SCGB1D1: variants seen among roughly 807,000 people sequenced by gnomAD.
SCGB1D1 encodes secretoglobin family 1D member 1.
Under a neutral mutation model 8.3 loss-of-function variants are expected in SCGB1D1, and 10 were observed. The observed-to-expected ratio is 1.21, with a 90% CI of 0.74 to 2.05. The LOEUF is 2.05. SCGB1D1 is among the 30% of genes most tolerant of loss of function. The pLI is 0.00. For synonymous variants in SCGB1D1, 46 were observed against 41.7 expected (o/e 1.10, Z -0.39); for missense variants, 94 against 105.1 (o/e 0.89, Z 0.46).
chr11:62,193,423 C>T lies in SCGB1D1; in HGVS notation c.268C>T (p.Arg90Cys), dbSNP rs577027339. Reference sequence around the variant, plus strand: ...GGGAAAAATAGCAGAGAAATGTGATCGCTGAGATGTAAAAAGTTTTTAATG... The same window carrying T: ...GGGAAAAATAGCAGAGAAATGTGATTGCTGAGATGTAAAAAGTTTTTAATG... ...TLGKIAEKCD[R>C] The change falls in exon 3 of 3, where the codon CGC becomes TGC. Residue 90 changes from arginine to cysteine, a missense_variant. Coordinates refer to ENST00000306238, the MANE Select transcript of SCGB1D1 (RefSeq NM_006552.2). The T allele has an allele frequency of 1.7e-5, 27 of 1,612,232 alleles. No individual in the cohort carries two copies. The highest frequency in any genetic ancestry group is 3.3e-5 in the Admixed American group (2 of 59,748).
rs1455011398 is a variant in SCGB1D1 at position 62,190,291 on chromosome 11, C to T, written c.7C>T (p.Leu3=). 6 of 1,614,086 alleles carry T rather than the reference C, an allele frequency of 3.7e-6. No homozygotes were observed. Among genetic ancestry groups the T allele is most frequent in the Non-Finnish European group, 5.1e-6 (6 of 1,180,034 alleles). MR[L]SVCLLLLTLA... is the part of the protein sequence containing the mutation. ...CACAGCAGAATAAGCCACCATGAGG[C>T]TGTCGGTGTGTCTCCTGCTGCTCAC... Residue 3 remains leucine (L), a synonymous_variant, in exon 1 of 3, where the codon CTG becomes TTG. Coordinates refer to ENST00000306238, the MANE Select transcript of SCGB1D1 (RefSeq NM_006552.2).
At position 62,192,070 on chromosome 11, in the gene SCGB1D1, T is replaced by G. The variant is rs1944681924; in HGVS notation, c.70T>G (p.Cys24Gly). ...TTTTGCTCCAGCAAATGCAGTGGTCTGCCAAGCTCTTGGTTCTGAAATCAC... is the reference window on the plus strand; with the variant it reads ...TTTTGCTCCAGCAAATGCAGTGGTCGGCCAAGCTCTTGGTTCTGAAATCAC... Reference protein sequence around the residue: ...LCCYRANAVVCQALGSEITGF... With the variant: ...LCCYRANAVVGQALGSEITGF... The change falls in exon 2 of 3, where the codon TGC (cysteine) becomes GGC (glycine). Residue 24 changes from cysteine (C) to glycine (G), a missense_variant. Physicochemically the swap from Cys to Gly is radical, Grantham distance 159 (BLOSUM62 -3). Coordinates refer to ENST00000306238, the MANE Select transcript of SCGB1D1 (RefSeq NM_006552.2). The G allele has an allele frequency of 6.2e-7, 1 of 1,605,072 alleles. No individual in the cohort carries two copies.
In SCGB1D1 at chr11:62,190,491, C is replaced by T. The variant is rs191173901; in HGVS notation, c.55+152C>T. 1.1e-4 allele frequency: 96 copies of T among 913,262 alleles called. 1 individual carries two copies. The African/African-American group carries it at 1.3e-3, about 12-fold the overall frequency. The allele number at this position is 913,262 out of a possible 1,614,324, so 56.6% of individuals were successfully genotyped here. On this transcript the variant is annotated intron_variant, in intron 1 of 2. Coordinates refer to ENST00000306238, the MANE Select transcript of SCGB1D1 (RefSeq NM_006552.2). ...TGTTGAAGGAACTGCTCATAAAGCT[C>T]GGGCCTCATTTCATCAAATCCCCAG...
At chr11:62,191,003 C>G (rs1380279825) in intron 1 of SCGB1D1, among the ~76,000 whole-genome samples, 19 of 152,152 alleles carry the variant, frequency 1.2e-4, no homozygotes, top group Non-Finnish European at 1.2e-4. Flanking sequence ...TTCTAGGGGT[C>G]CTACCGTAAT....
At position 62,193,411 on chromosome 11, in the gene SCGB1D1, G is replaced by C; in HGVS notation, c.256G>C (p.Glu86Gln). 6.2e-7 allele frequency: 1 copy of C among 1,612,728 alleles called. No homozygotes were observed. The highest frequency in any genetic ancestry group is 8.5e-7 in the Non-Finnish European group (1 of 1,179,404). ...LITKTLGKIA[E>Q]KCDR ...TTTTCTATTTCAGGGAAAAATAGCA[G>C]AGAAATGTGATCGCTGAGATGTAAA... The change falls in exon 3 of 3, where the codon GAG becomes CAG. Residue 86 changes from glutamate (E) to glutamine (Q), a missense_variant. Glu to Gln is a conservative substitution (Grantham distance 29). Coordinates refer to ENST00000306238, the MANE Select transcript of SCGB1D1 (RefSeq NM_006552.2).
intron 2 of SCGB1D1, 59 bp downstream of exon 2, chr11:62,192,302 G>A: frequency 2.0e-6 from 3 of 1,465,036 alleles, no homozygotes; most frequent in South Asian, 1.3e-5. Context: ...TGTGAAGTGA[G>A]GTCAGCTTGC....
At chr11:62,192,023 T>C (rs771909745) in intron 1 of SCGB1D1, 33 bp from the exon 2 acceptor site, 100 of 1,566,042 alleles carry the variant, frequency 6.4e-5, no homozygotes, top group Non-Finnish European at 8.6e-5. Context: ...CTGATTTCCT[T>C]ACACAAATTA....
rs779047079 is a variant in SCGB1D1 at position 62,193,430 on chromosome 11, A to G, written c.*2A>G. 1 of 1,612,252 alleles carries G rather than the reference A, an allele frequency of 6.2e-7. No homozygotes were observed. Among genetic ancestry groups the G allele is most frequent in the Admixed American group, 1.7e-5 (1 of 59,782 alleles). On this transcript the variant is annotated 3_prime_UTR_variant, in exon 3 of 3. Transcript: ENST00000306238. ...ATAGCAGAGAAATGTGATCGCTGAG[A>G]TGTAAAAAGTTTTTAATGCTAGTTT...
Position 62,192,321 on chromosome 11 carries a change from C to T in SCGB1D1, c.243+78C>T, listed in dbSNP as rs543704213. On this transcript the variant is annotated intron_variant, in intron 2 of 2. Transcript: ENST00000306238. The stretch of plus-strand genomic sequence containing the variant: ...AAGTGAGGTCAGCTTGCTTGCTGCT[C>T]TGTGAGGGACACAGGTGGTGGGGCA... The T allele has an allele frequency of 1.5e-5, 19 of 1,293,074 alleles. No individual in the cohort carries two copies. In the African/African-American group the frequency reaches 2.3e-4, roughly 16 times the overall value. 80.1% of individuals were successfully genotyped at this position (1,293,074 alleles called of 1,614,324 possible).
intron 1 of SCGB1D1, among the ~76,000 whole-genome samples, chr11:62,191,558 A>T (rs532417511): frequency 6.6e-6 from 1 of 152,192 alleles, no homozygotes; most frequent in Non-Finnish European, 1.5e-5. Context: ...TAAATTCTAC[A>T]ACTTGTTCTC....
intron 2 of SCGB1D1, among the ~76,000 whole-genome samples, chr11:62,193,062 C>T (rs941559245): frequency 1.3e-5 from 2 of 152,216 alleles, no homozygotes; most frequent in African/African-American, 4.8e-5. Context: ...AGAGGCCCTC[C>T]CAGCCCTGAC....
chr11:62,191,457 C>A (rs1422652778), intron 1 of SCGB1D1, among the ~76,000 whole-genome samples: 1 of 152,184 alleles, frequency 6.6e-6, no homozygotes, highest in Non-Finnish European at 1.5e-5. Flanking sequence ...CCTGTATAAG[C>A]TTCTAATGTG....
Position 62,193,494 on chromosome 11 carries a change from A to T in SCGB1D1, c.*66A>T. ...ATGATACCCTGATCTTCACTGCAGA[A>T]TGTAAAGGTTTCAACGTCTTGCTCT... is the stretch of plus-strand genomic sequence containing the variant. On this transcript the variant is annotated 3_prime_UTR_variant, in exon 3 of 3. Transcript: ENST00000306238. The T allele has an allele frequency of 7.3e-7, 1 of 1,367,080 alleles. No homozygotes were observed. The highest frequency in any genetic ancestry group is 2.3e-5 in the East Asian group (1 of 43,184). 84.7% of individuals were successfully genotyped at this position (1,367,080 alleles called of 1,614,324 possible).
At position 62,190,338 on chromosome 11, in the gene SCGB1D1, G is replaced by T. The variant is rs1479306817; in HGVS notation, c.54G>T (p.Arg18=). ...TCACGCTGGCCCTTTGCTGCTACCG[G>T]GGTGAGTACATCAGTCATGAGTCCA... is the stretch of plus-strand genomic sequence containing the variant. ...LLLTLALCCY[R]ANAVVCQALG... is the part of the protein sequence containing the mutation. Residue 18 remains arginine (R), a splice_region_variant and synonymous_variant, in exon 1 of 3, where the codon CGG becomes CGT. Transcript: ENST00000306238. The T allele has an allele frequency of 6.2e-7, 1 of 1,614,172 alleles. No homozygotes were observed. The highest frequency in any genetic ancestry group is 1.7e-5 in the Admixed American group (1 of 60,028).
At chr11:62,191,923 C>T (rs1326550522) in intron 1 of SCGB1D1, 133 bp from the exon 2 acceptor site, 11 of 752,916 alleles carry the variant, frequency 1.5e-5, no homozygotes, top group East Asian at 2.7e-5. Flanking sequence ...CCTCCTGGGT[C>T]TGACATTGTC....
At chr11:62,190,385 C>G (rs374169984) in intron 1 of SCGB1D1, 46 bp downstream of exon 1, 337 of 1,611,502 alleles carry the variant, frequency 2.1e-4, no homozygotes, top group Middle Eastern at 1.5e-3. Flanking sequence ...TGGGACACAC[C>G]CTTCTCTGAG....
At position 62,190,278 on chromosome 11, in the gene SCGB1D1, A is replaced by G; in HGVS notation, c.-7A>G. ...TTAAAGCCGAGCTCACAGCAGAATA[A>G]GCCACCATGAGGCTGTCGGTGTGTC... On this transcript the variant is annotated 5_prime_UTR_variant, in exon 1 of 3. Transcript: ENST00000306238. 6.2e-7 allele frequency: 1 copy of G among 1,614,138 alleles called. No individual in the cohort carries two copies. Among genetic ancestry groups the G allele is most frequent in the Non-Finnish European group, 8.5e-7 (1 of 1,180,010 alleles).
chr11:62,190,844 G>A (rs1944673003), intron 1 of SCGB1D1, among the ~76,000 whole-genome samples: 1 of 152,312 alleles, frequency 6.6e-6, no homozygotes, highest in African/African-American at 2.4e-5. Flanking sequence ...TGAGCTCACA[G>A]CTTCTTACAT....
chr11:62,191,130 A>G (rs555367067), intron 1 of SCGB1D1, among the ~76,000 whole-genome samples: 1 of 152,298 alleles, frequency 6.6e-6, no homozygotes, highest in Admixed American at 6.5e-5. Flanking sequence ...GGACCGATCC[A>G]GACTCTGATT....
Sources: allele counts gnomAD v4.1 joint callset (sites outside exome capture counted in the v4.1 genomes callset), GRCh38; gene constraint gnomAD v4.1.1; transcripts MANE v1.5; gene names NCBI Gene and HGNC (gene_info 2026-07-23, HGNC 2026-07-21).